The following ITPR1 variants were observed in gnomAD, a reference collection of about 807,000 sequenced individuals.
ITPR1 encodes the protein inositol 1,4,5-trisphosphate receptor type 1, also known as inositol 1,4,5-trisphosphate-gated calcium channel ITPR1.
A neutral mutation model predicts 318.4 loss-of-function variants in ITPR1; 96 were observed. The ratio of observed to expected loss-of-function variants is 0.30; its 90% CI spans 0.26 to 0.36. ITPR1 has a LOEUF of 0.36. ITPR1 is among the 10% of genes least tolerant of loss of function. ITPR1 has a pLI of 1.00. For missense variants in ITPR1, 2,440 were observed against 3,460.2 expected, an observed-to-expected ratio of 0.71 and a Z score of 7.40; for synonymous variants, 1,312 against 1,289.9, an observed-to-expected ratio of 1.02 and a Z score of -0.37.
intron 29 of ITPR1, 45 bp downstream of exon 29, chr3:4,684,391 T>C (rs1279019356): frequency 7.3e-7 from 1 of 1,369,766 alleles, no homozygotes; most frequent in Admixed American, 1.8e-5. Context: ...TTATGAATTC[T>C]CTAAGGAGCT....
At chr3:4,643,912 G>A (rs1280700055) in intron 7 of ITPR1, among the ~76,000 whole-genome samples, 1 of 149,324 alleles carries the variant, frequency 6.7e-6, no homozygotes, top group South Asian at 2.1e-4. Context: ...TGTATAATCA[G>A]TGACACTCGA....
intron 4 of ITPR1, among the ~76,000 whole-genome samples, chr3:4,565,764 C>T (rs2087175890): frequency 2.0e-5 from 3 of 152,192 alleles, no homozygotes; most frequent in African/African-American, 7.2e-5. Context: ...GATATTGAAA[C>T]AGAATTAAAA....
chr3:4,765,018 G>A (rs2045721963), intron 44 of ITPR1, among the ~76,000 whole-genome samples: 1 of 151,620 alleles, frequency 6.6e-6, no homozygotes, highest in Admixed American at 6.6e-5. Flanking sequence ...GGATGGATGA[G>A]TAGGTAGATG....
intron 40 of ITPR1, among the ~76,000 whole-genome samples, chr3:4,718,172 T>G (rs1203681644): frequency 1.3e-5 from 2 of 152,256 alleles, no homozygotes; most frequent in Non-Finnish European, 2.9e-5. Flanking sequence ...TATTTTTAGG[T>G]TGTGACACAT....
chr3:4,638,910 A>C (rs2093270027), intron 5 of ITPR1, among the ~76,000 whole-genome samples: 2 of 152,156 alleles, frequency 1.3e-5, no homozygotes, highest in African/African-American at 4.8e-5. Context: ...TCTGATCCTT[A>C]TTTTACAAAG....
intron 60 of ITPR1, among the ~76,000 whole-genome samples, chr3:4,819,261 G>A (rs919683981): frequency 6.6e-6 from 1 of 152,210 alleles, no homozygotes; most frequent in African/African-American, 2.4e-5. Flanking sequence ...CCCGATTACA[G>A]AGGCACAGAG....
chr3:4,539,760 G>C (rs1028764663), intron 4 of ITPR1, among the ~76,000 whole-genome samples: 1 of 152,002 alleles, frequency 6.6e-6, no homozygotes, highest in African/African-American at 2.4e-5. Context: ...AGAGGAAGAG[G>C]GACCCAAGTT....
chr3:4,663,534 A>C (rs879523472), intron 16 of ITPR1, among the ~76,000 whole-genome samples: 84 of 152,238 alleles, frequency 5.5e-4, no homozygotes, highest in African/African-American at 2.0e-3. Context: ...AAGATTGTGC[A>C]AAAAGTCCAG....
chr3:4,652,469 C>G (rs1228217524), intron 11 of ITPR1, among the ~76,000 whole-genome samples: 1 of 152,136 alleles, frequency 6.6e-6, no homozygotes, highest in South Asian at 2.1e-4. Context: ...TCATGCCGAT[C>G]TAGGTTTTCG....
chr3:4,783,371 C>T (rs1443755966), intron 50 of ITPR1, among the ~76,000 whole-genome samples: 1 of 152,096 alleles, frequency 6.6e-6, no homozygotes, highest in South Asian at 2.1e-4. Flanking sequence ...AACTCAGGTA[C>T]GGGAACCAGA....
chr3:4,622,580 C>A (rs892885623), intron 4 of ITPR1, among the ~76,000 whole-genome samples: 1 of 150,078 alleles, frequency 6.7e-6, no homozygotes, highest in African/African-American at 2.5e-5. Context: ...CCCGCCACCA[C>A]GCCCAGCTAA....
rs572742260 is a variant in ITPR1, at chr3:4,766,360, T to C, written c.5545-170T>C. On this transcript the variant is annotated intron_variant, in intron 44 of 61. Transcript: ENST00000649015. Reference sequence around the variant, plus strand: ...GCTCTGTGTTGAAAACCCCAGGCCTTAGAACCCAGAGAACTACAGTGTGTG... The same window carrying C: ...GCTCTGTGTTGAAAACCCCAGGCCTCAGAACCCAGAGAACTACAGTGTGTG... 4.6e-5 allele frequency among the ~76,000 whole-genome samples: 7 copies of C among 152,314 alleles called. No homozygotes were observed. In the South Asian group the frequency reaches 1.2e-3, roughly 27 times the overall value.
At chr3:4,697,315 G>GGTGTGTGTGTGTGTGTGTGTGT (rs35795762) in intron 34 of ITPR1, 43 bp downstream of exon 34, 2 of 864,096 alleles carry the variant, frequency 2.3e-6, no homozygotes, top group East Asian at 3.1e-5. Flanking sequence ...GAGAGTGAGA[G>GGTGTGTGTGTGTGTGTGTGTGT]GTGTGTGTGT....
chr3:4,701,663 C>G (rs541066803), intron 35 of ITPR1, among the ~76,000 whole-genome samples: 4 of 152,296 alleles, frequency 2.6e-5, no homozygotes, highest in African/African-American at 7.2e-5. Flanking sequence ...GCCGTCACTT[C>G]TCTTTTCTTT....
At chr3:4,575,235 A>G (rs529571915) in intron 4 of ITPR1, among the ~76,000 whole-genome samples, 2 of 152,358 alleles carry the variant, frequency 1.3e-5, no homozygotes, top group South Asian at 4.1e-4. Context: ...TGGGAGCACA[A>G]ATAAAAGAGA....
chr3:4,532,012 G>A (rs1006800863), intron 4 of ITPR1, among the ~76,000 whole-genome samples: 1 of 152,172 alleles, frequency 6.6e-6, no homozygotes, highest in Non-Finnish European at 1.5e-5. Flanking sequence ...GTTTTCATGA[G>A]GATTAAATGA....
intron 60 of ITPR1, among the ~76,000 whole-genome samples, chr3:4,819,614 C>T (rs1046817748): frequency 3.3e-5 from 5 of 152,262 alleles, no homozygotes; most frequent in Admixed American, 1.3e-4. Flanking sequence ...ATACATTTGG[C>T]CCTCTTCGGT....
chr3:4,493,886 CTT>C (rs71301158), intron 1 of ITPR1, among the ~76,000 whole-genome samples: 133 of 125,554 alleles, frequency 1.1e-3, no homozygotes, highest in African/African-American at 3.3e-3. Context: ...GGAAATAGTT[CTT>C]TTTTTTTTTT....
chr3:4,553,461 T>G (rs2085778238), intron 4 of ITPR1, among the ~76,000 whole-genome samples: 1 of 152,036 alleles, frequency 6.6e-6, no homozygotes. Context: ...GGGAGGGTCT[T>G]GCTGTGTCAC....
Sources: allele counts gnomAD v4.1 joint callset (sites outside exome capture counted in the v4.1 genomes callset), GRCh38; gene constraint gnomAD v4.1.1; transcripts MANE v1.5; gene names NCBI Gene and HGNC (gene_info 2026-07-23, HGNC 2026-07-21).